The following ITGB5 variants were observed in gnomAD, a reference collection of about 807,000 sequenced individuals.
The protein encoded by ITGB5 is integrin beta-5.
Under a neutral mutation model 84.8 loss-of-function variants are expected in ITGB5, and 38 were observed. The observed-to-expected ratio is 0.45, with a 90% confidence interval of 0.35 to 0.59. The LOEUF (loss-of-function observed/expected upper bound fraction) is 0.59, where lower values mean the gene tolerates loss of function less well. Among genes scored for constraint, ITGB5 ranks in the 20% least tolerant of loss-of-function variants. The probability of loss-of-function intolerance (pLI) is 0.01; values close to 1 mark genes in which losing one functional copy is unlikely to be tolerated. For synonymous variants in ITGB5, 393 were observed against 414.4 expected, an observed-to-expected ratio of 0.95 and a Z score of 0.63; for missense variants, 905 against 1,034.5, an observed-to-expected ratio of 0.87 and a Z score of 1.72.
intron 4 of ITGB5, among the ~76,000 whole-genome samples, chr3:124,843,903 G>A (rs1032197644): frequency 6.6e-6 from 1 of 152,132 alleles, no homozygotes; most frequent in African/African-American, 2.4e-5. Flanking sequence ...GGGAGTGTCT[G>A]TATGTATAAA....
chr3:124,768,795 G>T (rs895900062), intron 12 of ITGB5, among the ~76,000 whole-genome samples: 2 of 152,154 alleles, frequency 1.3e-5, no homozygotes, highest in African/African-American at 4.8e-5. Flanking sequence ...GTGATTCTAC[G>T]TTTGACTTTT....
chr3:124,872,909 T>C (rs1367482214), intron 2 of ITGB5, among the ~76,000 whole-genome samples: 2 of 152,178 alleles, frequency 1.3e-5, no homozygotes, highest in Non-Finnish European at 2.9e-5. Context: ...CCAGCCCATA[T>C]TGCTTTATGA....
intron 3 of ITGB5, among the ~76,000 whole-genome samples, chr3:124,851,410 A>G (rs1044986874): frequency 3.9e-5 from 6 of 152,200 alleles, no homozygotes; most frequent in Non-Finnish European, 8.8e-5. Flanking sequence ...ATAAAAAGAG[A>G]GACAGAAAAT....
intron 4 of ITGB5, among the ~76,000 whole-genome samples, chr3:124,844,324 C>G (rs1411530180): frequency 6.6e-6 from 1 of 151,774 alleles, no homozygotes; most frequent in African/African-American, 2.4e-5. Flanking sequence ...CTTTAGGAGG[C>G]TGAGGCAGGC....
intron 5 of ITGB5, among the ~76,000 whole-genome samples, chr3:124,822,247 A>G (rs2064718111): frequency 6.6e-6 from 1 of 152,194 alleles, no homozygotes; most frequent in Non-Finnish European, 1.5e-5. Context: ...CATTTTTAGG[A>G]GCAGCTAGAC....
At position 124,874,453 on chromosome 3, in the gene ITGB5, TCAAAATCC is replaced by T. The variant is rs200020629; in HGVS notation, c.71-930_71-923del. 3.8e-3 allele frequency among the ~76,000 whole-genome samples: 580 copies of T among 152,318 alleles called. 11 individuals are homozygous for T. Among genetic ancestry groups the T allele is most frequent in the Admixed American group, 0.035 (539 of 15,290 alleles). On this transcript the variant is annotated intron_variant, in intron 1 of 14. Coordinates refer to ENST00000296181, the MANE Select transcript of ITGB5 (RefSeq NM_002213.5). The stretch of plus-strand genomic sequence containing the variant: ...GTCTAAAAATTTAATTCACTCTTTG[TCAAAATCC>T]CAATGTCATTTTTCACAGAAATAGA...
chr3:124,801,099 T>C (rs2064308428), intron 9 of ITGB5, among the ~76,000 whole-genome samples: 1 of 152,006 alleles, frequency 6.6e-6, no homozygotes, highest in South Asian at 2.1e-4. Flanking sequence ...AAAAAGGAGC[T>C]GGGATGGGCA....
chr3:124,878,567 G>GT (rs900658324), intron 1 of ITGB5: 1 of 51,436 alleles, frequency 1.9e-5, no homozygotes, highest in Non-Finnish European at 4.4e-5. Flanking sequence ...GCACTGGACT[G>GT]GGGGGATGCT....
intron 4 of ITGB5, among the ~76,000 whole-genome samples, chr3:124,845,304 C>T (rs540893020): frequency 6.6e-6 from 1 of 152,186 alleles, no homozygotes; most frequent in African/African-American, 2.4e-5. Flanking sequence ...TGTGGTGGCA[C>T]GTGCCTGTAA....
rs968294030 is a variant in ITGB5, at chr3:124,841,667, T to G, written c.612-116A>C. ...CACCAATAACTATTTACCCAGCACC[T>G]ACCACATGCCCCAGGACAGGCACAG... On this transcript the variant is annotated intron_variant, in intron 4 of 14. Transcript: ENST00000296181. 5 of 911,036 alleles carry G rather than the reference T, an allele frequency of 5.5e-6. No homozygotes were observed. The Admixed American group carries it at 1.2e-4, about 22-fold the overall frequency. 56.4% of individuals were successfully genotyped at this position (911,036 alleles called of 1,614,324 possible).
intron 10 of ITGB5, among the ~76,000 whole-genome samples, chr3:124,783,403 C>T (rs1445551826): frequency 6.6e-6 from 1 of 151,870 alleles, no homozygotes; most frequent in Non-Finnish European, 1.5e-5. Context: ...TCACTTGGCA[C>T]ACTGATGGAC....
intron 3 of ITGB5, among the ~76,000 whole-genome samples, chr3:124,855,790 G>A (rs978468657): frequency 6.6e-6 from 1 of 152,058 alleles, no homozygotes; most frequent in Admixed American, 6.6e-5. Context: ...ATAGGATCAC[G>A]GTTTCCATTT....
chr3:124,861,839 C>T (rs867148585), intron 2 of ITGB5, among the ~76,000 whole-genome samples: 7 of 152,170 alleles, frequency 4.6e-5, no homozygotes, highest in South Asian at 2.1e-4. Context: ...GAATTACAGG[C>T]GTGAGCCAGT....
chr3:124,899,853 CA>C (rs60859904), intron 1 of ITGB5, among the ~76,000 whole-genome samples: 93 of 35,000 alleles, frequency 2.7e-3, no homozygotes, highest in African/African-American at 0.011. Context: ...GACCCTGTCT[CA>C]AAAAAAAAAA....
chr3:124,844,737 A>G (rs1286799586), intron 4 of ITGB5, among the ~76,000 whole-genome samples: 1 of 152,236 alleles, frequency 6.6e-6, no homozygotes, highest in Non-Finnish European at 1.5e-5. Context: ...GAACAGCACA[A>G]TGAGCTGCTG....
intron 5 of ITGB5, among the ~76,000 whole-genome samples, chr3:124,828,725 T>A (rs534932382): frequency 1.3e-3 from 196 of 152,352 alleles, no homozygotes; most frequent in Non-Finnish European, 2.4e-3. Flanking sequence ...GCTCAAGCCA[T>A]CGCAGTGCTG....
chr3:124,854,735 C>T (rs2065200202), intron 3 of ITGB5, among the ~76,000 whole-genome samples: 1 of 152,068 alleles, frequency 6.6e-6, no homozygotes, highest in East Asian at 1.9e-4. Flanking sequence ...AATTGTACAC[C>T]TTAAGTTAGT....
chr3:124,851,867 G>C (rs1451162582), intron 3 of ITGB5, among the ~76,000 whole-genome samples: 2 of 152,060 alleles, frequency 1.3e-5, no homozygotes, highest in African/African-American at 2.4e-5. Flanking sequence ...TGACATTCCT[G>C]GTCAGATCCA....
At chr3:124,814,971 G>A (rs2064564343) in intron 8 of ITGB5, among the ~76,000 whole-genome samples, 1 of 151,928 alleles carries the variant, frequency 6.6e-6, no homozygotes, top group African/African-American at 2.4e-5. Flanking sequence ...CCATCAGCAG[G>A]GAGGGATCCA....
Sources: allele counts gnomAD v4.1 joint callset (sites outside exome capture counted in the v4.1 genomes callset), GRCh38; gene constraint gnomAD v4.1.1; transcripts MANE v1.5; gene names NCBI Gene and HGNC (gene_info 2026-07-23, HGNC 2026-07-21).